The following NTAQ1 variants were observed in gnomAD, a reference collection of about 807,000 sequenced individuals.
The protein encoded by NTAQ1 is N-terminal glutamine amidase 1.
NTAQ1 carries 21 observed loss-of-function variants against 28.2 expected under a neutral mutation model. That is an observed-to-expected ratio of 0.74 (90% CI 0.53 to 1.07). The LOEUF (loss-of-function observed/expected upper bound fraction) is 1.07. NTAQ1 is among the 50% of genes least tolerant of loss of function. The probability of loss-of-function intolerance (pLI) is 0.00; values close to 1 mark genes in which losing one functional copy is unlikely to be tolerated. For missense variants in NTAQ1, 264 were observed against 256.6 expected, an observed-to-expected ratio of 1.03 and a Z score of -0.20; for synonymous variants, 105 against 90.0, an observed-to-expected ratio of 1.17 and a Z score of -0.94.
Position 123,459,245 on chromosome 8 carries a change from C to CA in NTAQ1, c.373-7821dup, listed in dbSNP as rs570910796. 3.3e-3 allele frequency among the ~76,000 whole-genome samples: 438 copies of CA among 133,716 alleles called. 2 individuals are homozygous for CA. Among genetic ancestry groups the CA allele is most frequent in the African/African-American group, 8.5e-3 (308 of 36,224 alleles). 87.7% of individuals were successfully genotyped at this position (133,716 alleles called of 152,430 possible). ...TAGGTGACAGAGTGAGATCCTGTCT[C>CA]AAAAAAAAAAAAAGATGTAGATGAA... On this transcript the variant is annotated intron_variant, in intron 6 of 6. Transcript: ENST00000650311.
downstream of NTAQ1, among the ~76,000 whole-genome samples, chr8:123,444,766 C>A (rs1355657027): frequency 1.3e-5 from 2 of 152,220 alleles, no homozygotes; most frequent in African/African-American, 2.4e-5. Flanking sequence ...GCCTCGACCT[C>A]CCAAAGTGCT....
chr8:123,440,309 C>A (rs1234905457), intron 5 of NTAQ1, among the ~76,000 whole-genome samples: 5 of 151,638 alleles, frequency 3.3e-5, no homozygotes, highest in Non-Finnish European at 5.9e-5. Flanking sequence ...GCACCCACTA[C>A]CACACCTGGC....
intron 1 of NTAQ1, among the ~76,000 whole-genome samples, chr8:123,417,880 C>G (rs1813400692): frequency 6.6e-6 from 1 of 152,108 alleles, no homozygotes; most frequent in Non-Finnish European, 1.5e-5. Flanking sequence ...TCTGTGCCCC[C>G]AAATCACACA....
intron 3 of NTAQ1, among the ~76,000 whole-genome samples, chr8:123,434,566 A>G (rs1274806834): frequency 6.6e-6 from 1 of 152,180 alleles, no homozygotes; most frequent in East Asian, 1.9e-4. Flanking sequence ...TGGAGGTTGC[A>G]GTGAGCTGGG....
intron 6 of NTAQ1, among the ~76,000 whole-genome samples, chr8:123,462,913 G>A (rs1460163826): frequency 6.6e-6 from 1 of 152,190 alleles, no homozygotes. Flanking sequence ...CTGACACTTT[G>A]ATCACGTTCT....
At chr8:123,462,112 C>T (rs1815839048) in intron 6 of NTAQ1, among the ~76,000 whole-genome samples, 1 of 152,104 alleles carries the variant, frequency 6.6e-6, no homozygotes, top group South Asian at 2.1e-4. Context: ...GTGGCGTGAT[C>T]TCAGCTCACT....
chr8:123,459,558 A>G (rs1333853886), intron 6 of NTAQ1, among the ~76,000 whole-genome samples: 1 of 152,140 alleles, frequency 6.6e-6, no homozygotes, highest in Admixed American at 6.5e-5. Context: ...GAGCTCACCA[A>G]GAGTCCCCTT....
downstream of NTAQ1, among the ~76,000 whole-genome samples, chr8:123,443,108 C>T (rs1815141525): frequency 6.7e-6 from 1 of 150,292 alleles, no homozygotes; most frequent in African/African-American, 2.5e-5. Context: ...CAACCTCTGC[C>T]TCCCAGGTTC....
At chr8:123,473,272 A>G (rs1202630296), downstream of NTAQ1, among the ~76,000 whole-genome samples, 1 of 151,316 alleles carries the variant, frequency 6.6e-6, no homozygotes, top group Non-Finnish European at 1.5e-5. Flanking sequence ...CACCTAGGGT[A>G]TTAATTAATT....
At chr8:123,461,356 G>A (rs896121160) in intron 6 of NTAQ1, among the ~76,000 whole-genome samples, 1 of 152,040 alleles carries the variant, frequency 6.6e-6, no homozygotes, top group African/African-American at 2.4e-5. Context: ...CCCTACTGGT[G>A]TTTCCTAGGA....
downstream of NTAQ1, among the ~76,000 whole-genome samples, chr8:123,446,944 C>T (rs868180620): frequency 1.3e-5 from 2 of 152,288 alleles, no homozygotes; most frequent in South Asian, 2.1e-4. Flanking sequence ...GTTTTGACCA[C>T]GTCCTGATCT....
chr8:123,432,296 C>CT (rs748287009), intron 3 of NTAQ1, among the ~76,000 whole-genome samples: 1 of 152,200 alleles, frequency 6.6e-6, no homozygotes. Context: ...GGATAAAAGT[C>CT]TATGACATCA....
At chr8:123,424,266 G>A (rs942434081) in intron 1 of NTAQ1, among the ~76,000 whole-genome samples, 2 of 149,476 alleles carry the variant, frequency 1.3e-5, no homozygotes, top group Non-Finnish European at 3.0e-5. Flanking sequence ...TTTTTAAGAC[G>A]AAGTCTTGCA....
intron 1 of NTAQ1, among the ~76,000 whole-genome samples, chr8:123,421,875 G>A (rs1813717395): frequency 6.6e-6 from 1 of 150,448 alleles, no homozygotes; most frequent in African/African-American, 2.4e-5. Context: ...TTTTTTTTTA[G>A]TAGAGACAGG....
At chr8:123,419,311 C>T (rs1318562460) in intron 1 of NTAQ1, among the ~76,000 whole-genome samples, 1 of 152,150 alleles carries the variant, frequency 6.6e-6, no homozygotes, top group East Asian at 1.9e-4. Flanking sequence ...ATTGGCTGGG[C>T]TGGTCTTGAA....
rs1282958583 is a variant in NTAQ1 at position 123,442,174 on chromosome 8, A to T, written c.*759A>T. 1 of 152,202 alleles carries T rather than the reference A, an allele frequency of 6.6e-6. No individual in the cohort carries two copies. The highest frequency in any genetic ancestry group is 1.9e-4 in the East Asian group (1 of 5,196). 9.4% of individuals were successfully genotyped at this position (152,202 alleles called of 1,614,324 possible). ...ATTTGGCTTTAATCATATCATTCCA[A>T]ATGAAAGATATTTGGCATTACATTG... On this transcript the variant is annotated 3_prime_UTR_variant, in exon 6 of 6. Transcript: ENST00000287387.
intron 3 of NTAQ1, among the ~76,000 whole-genome samples, chr8:123,434,585 A>T (rs1406564211): frequency 6.6e-6 from 1 of 152,162 alleles, no homozygotes; most frequent in Non-Finnish European, 1.5e-5. Flanking sequence ...GGATTGTGCC[A>T]CTGTGCTCCA....
At chr8:123,465,830 A>G (rs1213360997) in intron 6 of NTAQ1, among the ~76,000 whole-genome samples, 1 of 151,686 alleles carries the variant, frequency 6.6e-6, no homozygotes, top group Non-Finnish European at 1.5e-5. Context: ...CGATCCACCC[A>G]CCTCGGCCTC....
At chr8:123,417,371 G>T (rs534979121) in intron 1 of NTAQ1, among the ~76,000 whole-genome samples, 1 of 152,114 alleles carries the variant, frequency 6.6e-6, no homozygotes, top group Non-Finnish European at 1.5e-5. Context: ...GCGTTGTTCT[G>T]GGTGGTTTAG....
Sources: allele counts gnomAD v4.1 joint callset (sites outside exome capture counted in the v4.1 genomes callset), GRCh38; gene constraint gnomAD v4.1.1; transcripts MANE v1.5; gene names NCBI Gene and HGNC (gene_info 2026-07-23, HGNC 2026-07-21).